The following PTPRN2 variants were observed in gnomAD, a reference collection of about 807,000 sequenced individuals.
PTPRN2 encodes the protein protein tyrosine phosphatase receptor type N2.
In PTPRN2, 74 loss-of-function variants were observed where a neutral mutation model predicts 118.8. That is an observed-to-expected ratio of 0.62 (90% CI 0.52 to 0.76). PTPRN2 has a LOEUF of 0.76. PTPRN2 is among the 30% of genes least tolerant of loss of function. The probability of loss-of-function intolerance (pLI) is 0.00; values close to 1 mark genes in which losing one functional copy is unlikely to be tolerated. For synonymous variants in PTPRN2, 641 were observed against 608.0 expected, an observed-to-expected ratio of 1.05 and a Z score of -0.80; for missense variants, 1,481 against 1,394.4, an observed-to-expected ratio of 1.06 and a Z score of -0.99.
At chr7:158,139,588 T>C (rs1283812571) in intron 6 of PTPRN2, among the ~76,000 whole-genome samples, 8 of 151,862 alleles carry the variant, frequency 5.3e-5, no homozygotes, top group African/African-American at 1.5e-4. Context: ...AGACAGTCAC[T>C]AAGTTCCACG....
intron 11 of PTPRN2, among the ~76,000 whole-genome samples, chr7:157,973,750 T>C (rs190390726): frequency 3.9e-5 from 6 of 152,310 alleles, no homozygotes; most frequent in African/African-American, 1.2e-4. Flanking sequence ...GTAATGGCAA[T>C]GTAAAATTTA....
At chr7:158,307,102 A>G (rs1369942214) in intron 3 of PTPRN2, among the ~76,000 whole-genome samples, 1 of 152,052 alleles carries the variant, frequency 6.6e-6, no homozygotes, top group African/African-American at 2.4e-5. Flanking sequence ...CCTGACCTCA[A>G]GTGATCCACC....
At chr7:158,326,813 GCA>G (rs1391219744) in intron 2 of PTPRN2, among the ~76,000 whole-genome samples, 1 of 118,936 alleles carries the variant, frequency 8.4e-6, no homozygotes, top group Non-Finnish European at 1.7e-5. Context: ...TCTCACACAT[GCA>G]CACATCCTCA....
At chr7:158,581,827 G>A (rs946090529) in intron 1 of PTPRN2, among the ~76,000 whole-genome samples, 31 of 152,238 alleles carry the variant, frequency 2.0e-4, no homozygotes, top group African/African-American at 6.0e-4. Context: ...CACAGAAGCC[G>A]TTCAAGACAA....
intron 2 of PTPRN2, among the ~76,000 whole-genome samples, chr7:158,330,083 C>G (rs951352114): frequency 1.3e-4 from 18 of 143,262 alleles, no homozygotes; most frequent in Admixed American, 1.2e-3. Flanking sequence ...AGAGCTGACA[C>G]CTGCAGACGT....
At chr7:157,545,871 C>T (rs1216125750) in intron 22 of PTPRN2, among the ~76,000 whole-genome samples, 2 of 152,188 alleles carry the variant, frequency 1.3e-5, no homozygotes, top group Non-Finnish European at 2.9e-5. Flanking sequence ...AAAGGAGCTG[C>T]AGGCGCCTCC....
intron 2 of PTPRN2, among the ~76,000 whole-genome samples, chr7:158,448,039 C>A (rs769536125): frequency 8.5e-5 from 13 of 152,222 alleles, no homozygotes; most frequent in African/African-American, 1.2e-4. Flanking sequence ...AAGAGGGCCT[C>A]ACTGCTGAGG....
At position 158,166,990 on chromosome 7, in the gene PTPRN2, G is replaced by A. The variant is rs1309001863; in HGVS notation, c.851C>T (p.Ala284Val). ...CAGAGGTGAAGGCCACTTCTGGGGG[G>A]CGGCTGGTGCCAGCAAAGGCCTGGG... Reference protein sequence around the residue: ...RMPRPLLAPAAPQKWPSPLGD... With the variant: ...RMPRPLLAPAVPQKWPSPLGD... The change falls in exon 6 of 23, where the codon GCC (alanine) becomes GTC (valine). Residue 284 changes from alanine (A) to valine (V), a missense_variant. Physicochemically the swap from Ala to Val is moderately conservative, Grantham distance 64 (BLOSUM62 0). Coordinates refer to ENST00000389418, the MANE Select transcript of PTPRN2 (RefSeq NM_002847.5). 1.6e-5 allele frequency: 24 copies of A among 1,459,532 alleles called. No homozygotes were observed. Among genetic ancestry groups the A allele is most frequent in the Non-Finnish European group, 2.2e-5 (24 of 1,101,030 alleles). 90.4% of individuals were successfully genotyped at this position (1,459,532 alleles called of 1,614,324 possible).
rs1176530054 is a variant in PTPRN2 at position 158,555,118 on chromosome 7, A to G, written c.112+32440T>C. Among the ~76,000 whole-genome samples the G allele has an allele frequency of 1.3e-5, 2 of 152,204 alleles. No homozygotes were observed. Among genetic ancestry groups the G allele is most frequent in the Middle Eastern group, 3.2e-3 (1 of 316 alleles). Reference sequence around the variant, plus strand: ...TTACAAAGAGCGTCACAGTGGAATGAGAGGAAAGCCTGTGAGAACAAACGG... The same window carrying G: ...TTACAAAGAGCGTCACAGTGGAATGGGAGGAAAGCCTGTGAGAACAAACGG... On this transcript the variant is annotated intron_variant, in intron 1 of 22. Transcript: ENST00000389418. The surrounding 1 kb of genome is among the most constrained non-coding windows in gnomAD (Gnocchi z 4.7).
intron 12 of PTPRN2, among the ~76,000 whole-genome samples, chr7:157,802,397 T>A (rs1805369782): frequency 6.6e-6 from 1 of 152,242 alleles, no homozygotes; most frequent in Non-Finnish European, 1.5e-5. Flanking sequence ...ATCCCTGTTG[T>A]TGCAGATGGC....
At chr7:158,366,071 GCA>G (rs1183951417) in intron 2 of PTPRN2, among the ~76,000 whole-genome samples, 27 of 133,730 alleles carry the variant, frequency 2.0e-4, no homozygotes, top group African/African-American at 3.4e-4. Flanking sequence ...ATGCACGCGT[GCA>G]CACACACACG....
Position 157,872,327 on chromosome 7 carries a change from CCATACCCAGTGTCCTCCCCCCACACA to C in PTPRN2, c.1788+26320_1788+26345del, listed in dbSNP as rs761312130. Among the ~76,000 whole-genome samples the C allele has an allele frequency of 3.5e-4, 34 of 97,678 alleles. 1 individual carries two copies. Among genetic ancestry groups the C allele is most frequent in the East Asian group, 7.5e-4 (2 of 2,682 alleles). 64.1% of individuals were successfully genotyped at this position (97,678 alleles called of 152,430 possible). ...CATACCCAGTGTCCTCCCCACACAC[CCATACCCAGTGTCCTCCCCCCACACA>C]CATACCCAGTGTCCTCCCCCCACAC... On this transcript the variant is annotated intron_variant, in intron 12 of 22. Transcript: ENST00000389418.
At chr7:158,146,677 C>G (rs191914941) in intron 6 of PTPRN2, among the ~76,000 whole-genome samples, 1 of 146,076 alleles carries the variant, frequency 6.8e-6, no homozygotes, top group Non-Finnish European at 1.5e-5. Flanking sequence ...GCTGAGATCG[C>G]GCCACTGCAC....
chr7:158,091,883 T>C (rs1251621796), intron 10 of PTPRN2, among the ~76,000 whole-genome samples: 8 of 5,898 alleles, frequency 1.4e-3, no homozygotes, highest in Admixed American at 0.012. Context: ...GGTGGGTGAG[T>C]GAGGGATAGG....
At chr7:158,540,309 A>G (rs1326041245) in intron 1 of PTPRN2, among the ~76,000 whole-genome samples, 1 of 152,158 alleles carries the variant, frequency 6.6e-6, no homozygotes, top group Non-Finnish European at 1.5e-5. Flanking sequence ...AGTCACTGTC[A>G]ATGCCCTTAA....
chr7:158,550,226 G>A (rs892530047), intron 1 of PTPRN2, among the ~76,000 whole-genome samples: 2 of 152,196 alleles, frequency 1.3e-5, no homozygotes, highest in Admixed American at 6.5e-5. Context: ...CCCACGTCCC[G>A]ATAGGAAGCC....
At chr7:158,532,818 G>C (rs1281338409) in intron 1 of PTPRN2, 1 of 534,648 alleles carries the variant, frequency 1.9e-6, no homozygotes, top group East Asian at 5.5e-5. Flanking sequence ...TTCCGTGCAG[G>C]AGCCCTCTGC....
intron 2 of PTPRN2, among the ~76,000 whole-genome samples, chr7:158,342,797 G>A (rs920110869): frequency 5.3e-5 from 8 of 152,158 alleles, no homozygotes; most frequent in African/African-American, 1.9e-4. Flanking sequence ...TAGCACCCAT[G>A]AGGGAGGTAC....
At chr7:157,668,814 C>T (rs766119054) in intron 13 of PTPRN2, among the ~76,000 whole-genome samples, 7 of 152,114 alleles carry the variant, frequency 4.6e-5, no homozygotes, top group African/African-American at 7.2e-5. Context: ...GTTGAGAAAG[C>T]GTGTGCAGGG....
Sources: allele counts gnomAD v4.1 joint callset (sites outside exome capture counted in the v4.1 genomes callset), GRCh38; gene constraint gnomAD v4.1.1; non-coding constraint Gnocchi (gnomAD v3.1); transcripts MANE v1.5; gene names NCBI Gene and HGNC (gene_info 2026-07-23, HGNC 2026-07-21).